The following DMD variants were observed in gnomAD, a reference collection of about 807,000 sequenced individuals.
The protein encoded by DMD is dystrophin.
Under a neutral mutation model 330.1 loss-of-function variants are expected in DMD, and 63 were observed. The ratio of observed to expected loss-of-function variants is 0.19; its 90% confidence interval spans 0.16 to 0.24. The LOEUF is 0.24. Ranked by LOEUF, DMD falls within the 10% of genes least tolerant of loss-of-function variation. The pLI is 1.00. For missense variants in DMD, 3,344 were observed against 2,684.1 expected (o/e 1.25, Z -5.43); for synonymous variants, 1,223 against 959.8 (o/e 1.27, Z -5.07).
At chrX:31,700,382 G>C (rs1197181552) in intron 52 of DMD, among the ~76,000 whole-genome samples, 1 of 111,809 alleles carries the variant, frequency 8.9e-6, no homozygotes, top group Non-Finnish European at 1.9e-5. Context: ...GTATGGAGAG[G>C]AGTTGGAAAT....
chrX:31,795,125 T>C (rs1234946118), intron 50 of DMD, among the ~76,000 whole-genome samples: 1 of 111,423 alleles, frequency 9.0e-6, no homozygotes, highest in Non-Finnish European at 1.9e-5. Flanking sequence ...AGAATTCCAA[T>C]TGTCTTCAAG....
intron 20 of DMD, among the ~76,000 whole-genome samples, chrX:32,490,532 G>A (rs2042894290): frequency 9.0e-6 from 1 of 111,340 alleles, no homozygotes; most frequent in East Asian, 2.8e-4. Context: ...AGTTTAGTCA[G>A]TGAGGAGCCC....
intron 7 of DMD, among the ~76,000 whole-genome samples, chrX:32,754,253 C>T (rs1463495489): frequency 9.0e-6 from 1 of 110,876 alleles, no homozygotes; most frequent in Non-Finnish European, 1.9e-5. Context: ...ATACAATTAT[C>T]GCCATTTTAC....
At chrX:31,916,489 C>A (rs1296024188) in intron 47 of DMD, among the ~76,000 whole-genome samples, 5 of 111,867 alleles carry the variant, frequency 4.5e-5, no homozygotes, top group African/African-American at 1.3e-4. Flanking sequence ...AGGCTCAATT[C>A]TTTGCAAAGA....
chrX:33,154,069 G>A (rs770180615), intron 1 of DMD, among the ~76,000 whole-genome samples: 1 of 111,679 alleles, frequency 9.0e-6, no homozygotes, highest in South Asian at 3.7e-4. Context: ...GGTTTCATTT[G>A]AGCATCAGTA....
intron 48 of DMD, among the ~76,000 whole-genome samples, chrX:31,873,811 A>G (rs142151208): frequency 0.012 from 1,355 of 111,660 alleles, 6 homozygotes; most frequent in Non-Finnish European, 0.02. Context: ...GTGGTGTTCA[A>G]TTGGCAGGAT....
chrX:32,343,180 T>C lies in DMD; in HGVS notation c.5693A>G (p.Lys1898Arg), dbSNP rs794727662. ...DLLKCLDDIE[K>R]KLASLPEPRD... is the part of the protein sequence containing the mutation. ...GGGCTCAGGTAGGCTGGCTAATTTT[T>C]TTTCAATGTCATCCAAGCATTTCAG... Residue 1898 changes from lysine (K) to arginine (R), a missense_variant, in exon 40 of 79, where the codon AAA becomes AGA. Coordinates refer to ENST00000357033, the MANE Select transcript of DMD (RefSeq NM_004006.3). The C allele has an allele frequency of 8.3e-7, 1 of 1,211,220 alleles. No homozygotes were observed. The highest frequency in any genetic ancestry group is 1.1e-6 in the Non-Finnish European group (1 of 895,023).
rs144239810 is a variant in DMD, at chrX:31,722,007, T to C, written c.7660+7624A>G. Among the ~76,000 whole-genome samples the C allele has an allele frequency of 6.7e-3, 738 of 110,458 alleles. 5 individuals are homozygous for C. The highest frequency in any genetic ancestry group is 0.022 in the African/African-American group (685 of 30,473). On this transcript the variant is annotated intron_variant, in intron 52 of 78. Coordinates refer to ENST00000357033, the MANE Select transcript of DMD (RefSeq NM_004006.3). Reference sequence around the variant, plus strand: ...CCACATAATATTAGCTGTAAGAATTTTAACAATCCTGTTTTGCTAAAGGAT... The same window carrying C: ...CCACATAATATTAGCTGTAAGAATTCTAACAATCCTGTTTTGCTAAAGGAT...
chrX:32,252,675 T>TATAAATATATAA (rs1167285177), intron 43 of DMD, among the ~76,000 whole-genome samples: 3 of 16,609 alleles, frequency 1.8e-4, no homozygotes, highest in East Asian at 0.018. Flanking sequence ...TATATATATA[T>TATAAATATATAA]AAATATATAA....
At chrX:32,633,676 C>T (rs2058897596) in intron 11 of DMD, among the ~76,000 whole-genome samples, 1 of 111,968 alleles carries the variant, frequency 8.9e-6, no homozygotes, top group Admixed American at 9.5e-5. Context: ...TTAATTGGCT[C>T]ACAGTTCTAC....
At chrX:32,623,425 C>A (rs1205762439) in intron 11 of DMD, among the ~76,000 whole-genome samples, 2 of 111,295 alleles carry the variant, frequency 1.8e-5, no homozygotes, top group Non-Finnish European at 3.8e-5. Flanking sequence ...AGGTTAACCT[C>A]TGGGTTAAAA....
intron 52 of DMD, among the ~76,000 whole-genome samples, chrX:31,693,761 C>T (rs763353469): frequency 9.9e-5 from 11 of 111,061 alleles, no homozygotes; most frequent in African/African-American, 2.0e-4. Context: ...AAGACACTGA[C>T]GAAAGAAATT....
At chrX:31,310,089 G>A (rs1450018250) in intron 62 of DMD, among the ~76,000 whole-genome samples, 1 of 109,497 alleles carries the variant, frequency 9.1e-6, no homozygotes, top group Non-Finnish European at 1.9e-5. Context: ...GTCTATTAAG[G>A]TCATTTATTC....
At chrX:32,524,772 T>G (rs1379948008) in intron 17 of DMD, among the ~76,000 whole-genome samples, 2 of 112,339 alleles carry the variant, frequency 1.8e-5, no homozygotes, top group Middle Eastern at 4.6e-3. Context: ...CTCATTCAAT[T>G]TTTTGTCTGA....
intron 1 of DMD, among the ~76,000 whole-genome samples, chrX:33,305,139 T>G (rs1487109808): frequency 9.4e-6 from 1 of 106,622 alleles, no homozygotes; most frequent in Non-Finnish European, 1.9e-5. Flanking sequence ...GCGGCACTAT[T>G]CACAATAGCA....
chrX:32,517,708 A>G (rs2045990064), intron 18 of DMD: 1 of 387,240 alleles, frequency 2.6e-6, no homozygotes, highest in Non-Finnish European at 4.5e-6. Context: ...TAACTGAACA[A>G]TATATGAAAG....
At chrX:32,363,839 C>A (rs964400390) in intron 36 of DMD, among the ~76,000 whole-genome samples, 3 of 111,840 alleles carry the variant, frequency 2.7e-5, no homozygotes, top group Non-Finnish European at 3.8e-5. Flanking sequence ...ATTTATCAAA[C>A]ATTGCAGCAA....
chrX:31,507,039 T>C (rs1162631224), intron 56 of DMD, among the ~76,000 whole-genome samples: 2 of 112,105 alleles, frequency 1.8e-5, no homozygotes, highest in Non-Finnish European at 1.9e-5. Context: ...TTCACTCTGA[T>C]GTCTTAATAT....
At chrX:31,253,483 C>T (rs2049612877) in intron 63 of DMD, among the ~76,000 whole-genome samples, 1 of 111,494 alleles carries the variant, frequency 9.0e-6, no homozygotes, top group African/African-American at 3.3e-5. Flanking sequence ...CCAAGAGCAT[C>T]CTCAGGAGGG....
Sources: gnomAD v4.1 joint callset for allele counts (sites outside exome capture counted in the v4.1 genomes callset) on GRCh38, gnomAD v4.1.1 for gene constraint, MANE v1.5 for transcripts, NCBI Gene and HGNC (gene_info 2026-07-23, HGNC 2026-07-21) for gene names.